LRRC4C: variants seen among roughly 807,000 people sequenced by gnomAD.
LRRC4C encodes the protein leucine-rich repeat-containing protein 4C.
In LRRC4C, 5 loss-of-function variants were observed where a neutral mutation model predicts 33.6. The ratio of observed to expected loss-of-function variants is 0.15; its 90% CI spans 0.08 to 0.31. LRRC4C has a LOEUF of 0.31. LRRC4C is among the 10% of genes least tolerant of loss of function. LRRC4C has a pLI of 1.00. For synonymous variants in LRRC4C, 329 were observed against 302.0 expected (o/e 1.09, Z -0.93); for missense variants, 560 against 796.7 (o/e 0.70, Z 3.58).
intron 1 of LRRC4C, among the ~76,000 whole-genome samples, chr11:41,322,379 T>C (rs1238140612): frequency 6.6e-6 from 1 of 152,110 alleles, no homozygotes; most frequent in Non-Finnish European, 1.5e-5. Flanking sequence ...TGTTCTATCT[T>C]TATTTTTTTT....
At chr11:40,829,075 A>G (rs1361143105) in intron 2 of LRRC4C, among the ~76,000 whole-genome samples, 1 of 151,922 alleles carries the variant, frequency 6.6e-6, no homozygotes, top group Admixed American at 6.6e-5. Flanking sequence ...GATGCCCAGT[A>G]ATGTTTACAT....
intron 2 of LRRC4C, among the ~76,000 whole-genome samples, chr11:40,862,559 C>G (rs1954155793): frequency 6.6e-6 from 1 of 152,182 alleles, no homozygotes; most frequent in African/African-American, 2.4e-5. Flanking sequence ...AAAACCCAAA[C>G]AACTGACTGT....
intron 2 of LRRC4C, among the ~76,000 whole-genome samples, chr11:40,758,076 C>T (rs1163002672): frequency 6.6e-6 from 1 of 151,994 alleles, no homozygotes; most frequent in Admixed American, 6.6e-5. Context: ...AGGAATATAT[C>T]TCCCGCGAAA....
chr11:41,284,911 G>A (rs1168279960), intron 1 of LRRC4C, among the ~76,000 whole-genome samples: 1 of 152,128 alleles, frequency 6.6e-6, no homozygotes, highest in Admixed American at 6.5e-5. Flanking sequence ...GAGTACCTAG[G>A]CAAAGTGAAT....
chr11:41,200,494 T>C (rs2136258355), intron 1 of LRRC4C, among the ~76,000 whole-genome samples: 1 of 152,286 alleles, frequency 6.6e-6, no homozygotes, highest in South Asian at 2.1e-4. Flanking sequence ...CTCCAGAAAA[T>C]AGGAAGTTTC....
At chr11:40,922,059 A>G (rs1289082275) in intron 2 of LRRC4C, among the ~76,000 whole-genome samples, 3 of 152,148 alleles carry the variant, frequency 2.0e-5, no homozygotes, top group African/African-American at 7.2e-5. Context: ...TACTTTGCAA[A>G]CTAATTTTGT....
intron 4 of LRRC4C, among the ~76,000 whole-genome samples, chr11:40,249,463 T>G (rs947564585): frequency 6.6e-6 from 1 of 151,934 alleles, no homozygotes; most frequent in Non-Finnish European, 1.5e-5. Flanking sequence ...ACAAAGTGAC[T>G]ATTAAATTAA....
chr11:40,529,638 T>C (rs1455022772), intron 3 of LRRC4C, among the ~76,000 whole-genome samples: 1 of 152,150 alleles, frequency 6.6e-6, no homozygotes, highest in African/African-American at 2.4e-5. Flanking sequence ...ATCAATGAAA[T>C]AAAGTTGAGT....
chr11:40,717,414 A>G (rs972638826), intron 2 of LRRC4C, among the ~76,000 whole-genome samples: 2 of 152,062 alleles, frequency 1.3e-5, no homozygotes, highest in African/African-American at 2.4e-5. Flanking sequence ...GCCTTTTTAC[A>G]TTCTACCCCA....
At chr11:40,708,717 A>C (rs1375472962) in intron 2 of LRRC4C, among the ~76,000 whole-genome samples, 1 of 152,152 alleles carries the variant, frequency 6.6e-6, no homozygotes, top group Non-Finnish European at 1.5e-5. Context: ...GTAGATGTCT[A>C]TTAGGTCTGC....
At chr11:41,160,268 C>G (rs1436627060) in intron 1 of LRRC4C, among the ~76,000 whole-genome samples, 1 of 151,420 alleles carries the variant, frequency 6.6e-6, no homozygotes. Flanking sequence ...ACCAGGGAGA[C>G]TGAGATAAGA....
In LRRC4C at chr11:41,332,649, A is replaced by G. The variant is rs374464954; in HGVS notation, c.-496+126782T>C. Among the ~76,000 whole-genome samples, 40 of 152,370 alleles carry G rather than the reference A, an allele frequency of 2.6e-4. 1 individual carries two copies. Among genetic ancestry groups the G allele is most frequent in the African/African-American group, 9.4e-4 (39 of 41,594 alleles). Reference sequence around the variant, plus strand: ...AAAAGTCTATTAATAATTATATTTCATAAGTTGTTTTATCCCATGAAGATG... The same window carrying G: ...AAAAGTCTATTAATAATTATATTTCGTAAGTTGTTTTATCCCATGAAGATG... On this transcript the variant is annotated intron_variant, in intron 1 of 6. Coordinates refer to ENST00000528697, the MANE Select transcript of LRRC4C (RefSeq NM_001258419.2).
At chr11:41,383,804 A>T (rs1953249130) in intron 1 of LRRC4C, among the ~76,000 whole-genome samples, 1 of 151,982 alleles carries the variant, frequency 6.6e-6, no homozygotes, top group Non-Finnish European at 1.5e-5. Flanking sequence ...AGACAGGCAG[A>T]CTAGAAAAAA....
At chr11:40,957,855 C>A (rs1017269554) in intron 1 of LRRC4C, among the ~76,000 whole-genome samples, 1 of 151,574 alleles carries the variant, frequency 6.6e-6, no homozygotes, top group African/African-American at 2.4e-5. Flanking sequence ...AAAATCCAGC[C>A]CTTCCAGTTT....
chr11:40,893,729 C>T (rs1019761199), intron 2 of LRRC4C, among the ~76,000 whole-genome samples: 2 of 151,834 alleles, frequency 1.3e-5, no homozygotes, highest in African/African-American at 4.8e-5. Context: ...TCATAGTGTT[C>T]AAAGGCTATA....
intron 1 of LRRC4C, among the ~76,000 whole-genome samples, chr11:41,179,427 T>G (rs1286213773): frequency 6.6e-6 from 1 of 152,224 alleles, no homozygotes; most frequent in Non-Finnish European, 1.5e-5. Context: ...CTATCTGGCC[T>G]GAGGGCCTGA....
At chr11:41,059,565 T>C (rs962953977) in intron 1 of LRRC4C, among the ~76,000 whole-genome samples, 7 of 152,166 alleles carry the variant, frequency 4.6e-5, no homozygotes, top group African/African-American at 1.7e-4. Flanking sequence ...TTTTATTTTG[T>C]TATTATAAAC....
At chr11:41,075,044 A>ATTTTTTTTT (rs1565359609) in intron 1 of LRRC4C, among the ~76,000 whole-genome samples, 1 of 13,244 alleles carries the variant, frequency 7.6e-5, no homozygotes, top group African/African-American at 3.0e-4. Flanking sequence ...TTTATTTTTA[A>ATTTTTTTTT]TGTTTTTTTT....
At chr11:41,090,789 T>C (rs1265533470) in intron 1 of LRRC4C, among the ~76,000 whole-genome samples, 2 of 152,160 alleles carry the variant, frequency 1.3e-5, no homozygotes, top group Non-Finnish European at 2.9e-5. Context: ...CAGTTATCCC[T>C]GCTCTTACTA....
Sources: allele counts gnomAD v4.1 joint callset (sites outside exome capture counted in the v4.1 genomes callset), GRCh38; gene constraint gnomAD v4.1.1; transcripts MANE v1.5; gene names NCBI Gene and HGNC (gene_info 2026-07-23, HGNC 2026-07-21).